The following GPATCH2 variants were observed in gnomAD, a reference collection of about 807,000 sequenced individuals.
The protein encoded by GPATCH2 is G patch domain-containing protein 2.
In GPATCH2, 51 loss-of-function variants were observed where a neutral mutation model predicts 58.0. The ratio of observed to expected loss-of-function variants is 0.88; its 90% CI spans 0.70 to 1.11. The LOEUF (loss-of-function observed/expected upper bound fraction) is 1.11, where lower values mean the gene tolerates loss of function less well. GPATCH2 is among the 50% of genes most tolerant of loss of function. The pLI, the probability that GPATCH2 is intolerant of heterozygous loss-of-function variation, is 0.00. For synonymous variants in GPATCH2, 222 were observed against 218.5 expected, an observed-to-expected ratio of 1.02 and a Z score of -0.14; for missense variants, 625 against 652.2, an observed-to-expected ratio of 0.96 and a Z score of 0.45.
intron 8 of GPATCH2, among the ~76,000 whole-genome samples, chr1:217,463,935 T>C (rs1349146666): frequency 6.6e-6 from 1 of 152,106 alleles, no homozygotes; most frequent in Non-Finnish European, 1.5e-5. Context: ...TCCACACATA[T>C]CACCTAGCCT....
chr1:217,510,057 ATT>A (rs990499741), intron 6 of GPATCH2, among the ~76,000 whole-genome samples: 30 of 152,152 alleles, frequency 2.0e-4, no homozygotes, highest in Non-Finnish European at 4.0e-4. Context: ...CTAAACTGCT[ATT>A]TGTTTAAACC....
rs778455810 is a variant in GPATCH2 at position 217,474,700 on chromosome 1, A to G, written c.1277+16980T>C. Among the ~76,000 whole-genome samples, 276 of 152,314 alleles carry G rather than the reference A, an allele frequency of 1.8e-3. 2 individuals carry two copies. The highest frequency in any genetic ancestry group is 4.9e-4 in the Non-Finnish European group (33 of 68,032). ...CACTTCAAAGTCTTGGCTTTGAATCATGAACAGCGGACCATCTATGCATTT... is the reference window on the plus strand; with the variant it reads ...CACTTCAAAGTCTTGGCTTTGAATCGTGAACAGCGGACCATCTATGCATTT... On this transcript the variant is annotated intron_variant, in intron 8 of 9. Transcript: ENST00000366935.
At chr1:217,480,067 A>G (rs1661148348) in intron 8 of GPATCH2, among the ~76,000 whole-genome samples, 1 of 152,124 alleles carries the variant, frequency 6.6e-6, no homozygotes, top group South Asian at 2.1e-4. Flanking sequence ...ATAGCTGGAG[A>G]CTTTGGTCTG....
intron 5 of GPATCH2, among the ~76,000 whole-genome samples, chr1:217,589,037 T>C (rs1166014982): frequency 6.6e-6 from 1 of 152,168 alleles, no homozygotes; most frequent in Non-Finnish European, 1.5e-5. Context: ...GAACAGGCCA[T>C]GACAGCAGAA....
At chr1:217,437,560 G>C (rs527817958) in intron 9 of GPATCH2, among the ~76,000 whole-genome samples, 1 of 152,318 alleles carries the variant, frequency 6.6e-6, no homozygotes, top group African/African-American at 2.4e-5. Flanking sequence ...AGGGGCGTCC[G>C]CCATTACTGA....
At chr1:217,609,909 A>G in intron 5 of GPATCH2, 1 of 1,120,504 alleles carries the variant, frequency 8.9e-7, no homozygotes, top group Non-Finnish European at 1.1e-6. Flanking sequence ...AAAGAGAAAA[A>G]TATATAATTT....
chr1:217,524,050 G>A (rs539482385), intron 5 of GPATCH2, among the ~76,000 whole-genome samples: 13 of 147,246 alleles, frequency 8.8e-5, no homozygotes, highest in Admixed American at 6.7e-4. Flanking sequence ...CTCACCTCCC[G>A]GATGGGGCGG....
chr1:217,469,491 C>T (rs1280765124), intron 8 of GPATCH2, among the ~76,000 whole-genome samples: 7 of 151,816 alleles, frequency 4.6e-5, no homozygotes, highest in African/African-American at 1.7e-4. Context: ...ACAAAAAAAG[C>T]AAAGGAAAGG....
At chr1:217,547,834 T>G (rs1665141870) in intron 5 of GPATCH2, among the ~76,000 whole-genome samples, 1 of 152,112 alleles carries the variant, frequency 6.6e-6, no homozygotes. Flanking sequence ...AGAGGAGGTC[T>G]GGCGGCGGGT....
intron 9 of GPATCH2, among the ~76,000 whole-genome samples, chr1:217,444,753 T>A (rs1659306424): frequency 6.6e-6 from 1 of 152,186 alleles, no homozygotes; most frequent in South Asian, 2.1e-4. Context: ...TCTGCCTGTT[T>A]TAAAATCTTG....
intron 5 of GPATCH2, among the ~76,000 whole-genome samples, chr1:217,556,329 G>A (rs545626025): frequency 6.6e-6 from 1 of 152,170 alleles, no homozygotes; most frequent in South Asian, 2.1e-4. Context: ...CTTCTCTTCG[G>A]GGGGCAACCA....
At chr1:217,562,608 C>G (rs1224196693) in intron 5 of GPATCH2, among the ~76,000 whole-genome samples, 1 of 152,160 alleles carries the variant, frequency 6.6e-6, no homozygotes, top group Admixed American at 6.5e-5. Flanking sequence ...GTACATTTAC[C>G]AGTGGTCTAA....
intron 5 of GPATCH2, among the ~76,000 whole-genome samples, chr1:217,524,870 G>C (rs1326720803): frequency 2.3e-4 from 1 of 4,348 alleles, no homozygotes; most frequent in Admixed American, 1.8e-3. Context: ...GAGGGGAGAG[G>C]GGAGAGGGGG....
intron 9 of GPATCH2, among the ~76,000 whole-genome samples, chr1:217,443,529 T>C (rs1263263517): frequency 6.6e-6 from 1 of 152,180 alleles, no homozygotes; most frequent in Non-Finnish European, 1.5e-5. Flanking sequence ...TTTCTTGATA[T>C]AGACTCGTAC....
intron 5 of GPATCH2, among the ~76,000 whole-genome samples, chr1:217,584,525 T>C (rs1367723089): frequency 5.9e-5 from 9 of 151,306 alleles, no homozygotes; most frequent in African/African-American, 2.2e-4. Flanking sequence ...TGAGACTCCA[T>C]CTCAAAGAAA....
intron 8 of GPATCH2, among the ~76,000 whole-genome samples, chr1:217,475,078 T>C (rs1033188792): frequency 5.9e-5 from 9 of 152,092 alleles, no homozygotes; most frequent in South Asian, 2.1e-4. Context: ...AACTGAAGGC[T>C]TCGGAGAGAA....
chr1:217,608,971 T>C (rs1668493023), intron 5 of GPATCH2: 2 of 983,754 alleles, frequency 2.0e-6, no homozygotes, highest in African/African-American at 1.7e-5. Context: ...TTAAAAACTT[T>C]AGGTAAAAGC....
chr1:217,557,587 T>C (rs955481458), intron 5 of GPATCH2, among the ~76,000 whole-genome samples: 2 of 152,184 alleles, frequency 1.3e-5, no homozygotes, highest in African/African-American at 4.8e-5. Context: ...CCACTTGGAA[T>C]CAATTTTTGT....
At chr1:217,495,649 C>T (rs553684273) in intron 7 of GPATCH2, among the ~76,000 whole-genome samples, 1 of 152,288 alleles carries the variant, frequency 6.6e-6, no homozygotes, top group African/African-American at 2.4e-5. Context: ...ATTTCTCTTT[C>T]GTGGCCTTCA....
Sources: allele counts gnomAD v4.1 joint callset (sites outside exome capture counted in the v4.1 genomes callset), GRCh38; gene constraint gnomAD v4.1.1; transcripts MANE v1.5; gene names NCBI Gene and HGNC (gene_info 2026-07-23, HGNC 2026-07-21).